SORBS2: variants seen among roughly 807,000 people sequenced by gnomAD.
The protein encoded by SORBS2 is sorbin and SH3 domain-containing protein 2.
Under a neutral mutation model 97.7 loss-of-function variants are expected in SORBS2, and 46 were observed. The observed-to-expected ratio is 0.47, with a 90% confidence interval of 0.37 to 0.60. SORBS2 has a LOEUF of 0.60. Ranked by LOEUF, SORBS2 falls within the 20% of genes least tolerant of loss-of-function variation. The pLI is 0.00. For synonymous variants in SORBS2, 476 were observed against 473.4 expected (o/e 1.01, Z -0.07); for missense variants, 1,316 against 1,282.3 (o/e 1.03, Z -0.40).
At chr4:185,913,857 A>C (rs1411762628) in intron 1 of SORBS2, among the ~76,000 whole-genome samples, 1 of 152,186 alleles carries the variant, frequency 6.6e-6, no homozygotes, top group Admixed American at 6.5e-5. Context: ...CAATATCTAA[A>C]ATGTTGATGT....
intron 1 of SORBS2, among the ~76,000 whole-genome samples, chr4:185,882,164 T>C (rs2099237226): frequency 6.6e-6 from 1 of 152,196 alleles, no homozygotes. Context: ...AAAGGTGTTC[T>C]ATTCAAAGAT....
chr4:185,740,292 G>C (rs1383030861), intron 2 of SORBS2: 1 of 152,330 alleles, frequency 6.6e-6, no homozygotes, highest in Non-Finnish European at 1.5e-5. Flanking sequence ...GGAAGCACAT[G>C]CACAGTGGAC....
intron 2 of SORBS2, among the ~76,000 whole-genome samples, chr4:185,721,803 CCA>C (rs1562119906): frequency 6.6e-6 from 1 of 152,106 alleles, no homozygotes; most frequent in Non-Finnish European, 1.5e-5. Flanking sequence ...TGGCACTGCT[CCA>C]GAGAGCTGAG....
At chr4:185,819,096 T>C (rs2099195143) in intron 1 of SORBS2, among the ~76,000 whole-genome samples, 1 of 152,194 alleles carries the variant, frequency 6.6e-6, no homozygotes. Flanking sequence ...GAAAGTCTTA[T>C]CACAGGATCA....
intron 12 of SORBS2, among the ~76,000 whole-genome samples, chr4:185,608,204 T>A (rs1019043886): frequency 6.6e-6 from 1 of 152,244 alleles, no homozygotes; most frequent in Non-Finnish European, 1.5e-5. Flanking sequence ...TTCTCACTTA[T>A]GTTTGCAAGG....
chr4:185,612,490 T>TA (rs2096556068), intron 11 of SORBS2, among the ~76,000 whole-genome samples: 4 of 129,850 alleles, frequency 3.1e-5, no homozygotes, highest in Admixed American at 2.3e-4. Context: ...TTTTTATTTC[T>TA]ATTTTTTTTT....
At chr4:185,619,967 G>T in intron 8 of SORBS2, 96 bp downstream of exon 20, 1 of 795,888 alleles carries the variant, frequency 1.3e-6, no homozygotes. Context: ...CACATTTCCT[G>T]TCCGAGTTCG....
chr4:185,613,765 G>A (rs182945988), intron 11 of SORBS2, among the ~76,000 whole-genome samples: 93 of 152,140 alleles, frequency 6.1e-4, no homozygotes, highest in African/African-American at 2.2e-3. Flanking sequence ...AGGCATTGGT[G>A]AAGCCTTTCT....
intron 1 of SORBS2, among the ~76,000 whole-genome samples, chr4:185,951,255 T>A (rs1579646536): frequency 6.6e-6 from 1 of 152,284 alleles, no homozygotes; most frequent in East Asian, 1.9e-4. Flanking sequence ...TACAAGCATT[T>A]TGAACAGACA....
chr4:185,953,750 A>G (rs1178300328), intron 1 of SORBS2, among the ~76,000 whole-genome samples: 1 of 152,242 alleles, frequency 6.6e-6, no homozygotes, highest in Non-Finnish European at 1.5e-5. Context: ...AATCGATTTT[A>G]TCACACCTTT....
intron 1 of SORBS2, among the ~76,000 whole-genome samples, chr4:185,776,708 G>T (rs1209069870): frequency 5.3e-5 from 8 of 151,276 alleles, no homozygotes; most frequent in Admixed American, 2.6e-4. Flanking sequence ...AGACCATCCT[G>T]GCTAACATGG....
At chr4:185,718,861 G>T (rs1447501695) in intron 2 of SORBS2, among the ~76,000 whole-genome samples, 1 of 152,144 alleles carries the variant, frequency 6.6e-6, no homozygotes, top group East Asian at 1.9e-4. Context: ...AAAAAATAAT[G>T]TTCTGATCTA....
At chr4:185,731,450 C>A (rs916299191) in intron 2 of SORBS2, among the ~76,000 whole-genome samples, 2 of 146,310 alleles carry the variant, frequency 1.4e-5, no homozygotes, top group Non-Finnish European at 3.0e-5. Flanking sequence ...TTCTCTCCCC[C>A]TCCCTCCCTC....
chr4:185,671,882 A>AT (rs1197939772), intron 4 of SORBS2, among the ~76,000 whole-genome samples: 4 of 152,254 alleles, frequency 2.6e-5, no homozygotes, highest in Non-Finnish European at 2.9e-5. Flanking sequence ...AAAAGGCTGG[A>AT]TGCCCATCTA....
Position 185,684,652 on chromosome 4 carries a change from A to G in SORBS2, c.-197-5830T>C, listed in dbSNP as rs2097920801. 1.2e-6 allele frequency: 1 copy of G among 849,644 alleles called. No individual in the cohort carries two copies. The highest frequency in any genetic ancestry group is 1.7e-5 in the African/African-American group (1 of 58,664). 52.6% of individuals were successfully genotyped at this position (849,644 alleles called of 1,614,324 possible). On this transcript the variant is annotated intron_variant, in intron 2 of 20. Transcript: ENST00000284776. The surrounding 1 kb of genome is among the most constrained non-coding windows in gnomAD (Gnocchi z 4.2). ...TAATTACACATTTAAAATGTTTCCT[A>G]CAAGATCTCATTTTCCTTTGCTTTT...
At chr4:185,831,214 G>T (rs1039694071) in intron 1 of SORBS2, among the ~76,000 whole-genome samples, 1 of 152,148 alleles carries the variant, frequency 6.6e-6, no homozygotes, top group Admixed American at 6.5e-5. Flanking sequence ...GATATTTTGG[G>T]CTCTTCTCTT....
chr4:185,668,787 T>C (rs1237885009), intron 4 of SORBS2, among the ~76,000 whole-genome samples: 1 of 152,212 alleles, frequency 6.6e-6, no homozygotes, highest in East Asian at 1.9e-4. Context: ...CCTAATTGTT[T>C]TAGGTCTCCT....
chr4:185,713,479 T>C (rs1287217582), intron 2 of SORBS2, among the ~76,000 whole-genome samples: 1 of 152,192 alleles, frequency 6.6e-6, no homozygotes, highest in Non-Finnish European at 1.5e-5. Context: ...GAGAACGTGA[T>C]TCAGAGGCAG....
At chr4:185,888,572 T>A (rs1482662856) in intron 1 of SORBS2, among the ~76,000 whole-genome samples, 7 of 152,384 alleles carry the variant, frequency 4.6e-5, no homozygotes, top group African/African-American at 1.7e-4. Context: ...TGGTAACTTG[T>A]TACAGCAACC....
Sources: gnomAD v4.1 joint callset for allele counts (sites outside exome capture counted in the v4.1 genomes callset) on GRCh38, gnomAD v4.1.1 for gene constraint, Gnocchi (gnomAD v3.1) non-coding constraint, MANE v1.5 for transcripts, NCBI Gene and HGNC (gene_info 2026-07-23, HGNC 2026-07-21) for gene names.